Variants in RUVBL1 observed in about 807,000 individuals in gnomAD.
RUVBL1 encodes the protein ruvB-like 1.
In RUVBL1, 4 loss-of-function variants were observed where a neutral mutation model predicts 52.4. The ratio of observed to expected loss-of-function variants is 0.08; its 90% confidence interval spans 0.04 to 0.17. The LOEUF (loss-of-function observed/expected upper bound fraction) is 0.17, where lower values mean the gene tolerates loss of function less well. RUVBL1 is among the 10% of genes least tolerant of loss of function. The pLI, the probability that RUVBL1 is intolerant of heterozygous loss-of-function variation, is 1.00. For synonymous variants in RUVBL1, 217 were observed against 214.4 expected (o/e 1.01, Z -0.10); for missense variants, 298 against 572.8 (o/e 0.52, Z 4.90).
At chr3:128,115,962 C>T (rs567492051) in intron 2 of RUVBL1, among the ~76,000 whole-genome samples, 1 of 151,732 alleles carries the variant, frequency 6.6e-6, no homozygotes, top group Admixed American at 6.6e-5. Context: ...CCCATCTCTA[C>T]GAAAACTACA....
chr3:128,106,686 T>C (rs184342372), intron 3 of RUVBL1, among the ~76,000 whole-genome samples: 2 of 152,354 alleles, frequency 1.3e-5, no homozygotes, highest in Admixed American at 1.3e-4. Flanking sequence ...ATTAGGCACA[T>C]CATCTACTAA....
At chr3:128,071,907 C>T (rs927331791) in intron 9 of RUVBL1, among the ~76,000 whole-genome samples, 10 of 152,168 alleles carry the variant, frequency 6.6e-5, no homozygotes, top group African/African-American at 1.9e-4. Context: ...GGGCTCTGCC[C>T]GTGAGGCAGA....
At chr3:128,069,545 A>G (rs1290891050) in intron 9 of RUVBL1, 2 of 1,613,800 alleles carry the variant, frequency 1.2e-6, no homozygotes, top group African/African-American at 2.7e-5. Context: ...CTGACTTCCT[A>G]GGCGCCATTG....
intron 2 of RUVBL1, among the ~76,000 whole-genome samples, chr3:128,115,077 T>C (rs1431361629): frequency 2.6e-5 from 4 of 152,198 alleles, no homozygotes; most frequent in East Asian, 3.8e-4. Context: ...GTATATGATA[T>C]GGCTACTATT....
intron 1 of RUVBL1, among the ~76,000 whole-genome samples, chr3:128,138,972 A>G (rs1426325738): frequency 6.6e-6 from 1 of 152,186 alleles, no homozygotes; most frequent in African/African-American, 2.4e-5. Context: ...AGCCTCTTCA[A>G]TAAATGGTGG....
intron 8 of RUVBL1, among the ~76,000 whole-genome samples, chr3:128,089,920 A>C (rs915148754): frequency 9.0e-6 from 1 of 111,044 alleles, no homozygotes; most frequent in South Asian, 3.1e-4. Context: ...AAAAAAAAAA[A>C]AAAAAAAAAA....
chr3:128,095,342 G>A (rs1262377400), intron 8 of RUVBL1, among the ~76,000 whole-genome samples: 1 of 152,248 alleles, frequency 6.6e-6, no homozygotes, highest in Non-Finnish European at 1.5e-5. Flanking sequence ...GTCCAAGGCT[G>A]AGCCCTTTCA....
chr3:128,077,567 T>G (rs1942370665), downstream of RUVBL1, among the ~76,000 whole-genome samples: 1 of 152,180 alleles, frequency 6.6e-6, no homozygotes, highest in African/African-American at 2.4e-5. Flanking sequence ...GGTGGTCATT[T>G]CGCCCCCTCT....
chr3:128,072,063 G>A (rs1014807090), intron 9 of RUVBL1, among the ~76,000 whole-genome samples: 2 of 152,242 alleles, frequency 1.3e-5, no homozygotes, highest in Non-Finnish European at 2.9e-5. Context: ...CCCAGCTGGT[G>A]ATTGGAGAAG....
intron 1 of RUVBL1, among the ~76,000 whole-genome samples, chr3:128,140,232 G>GTTTTT (rs60288042): frequency 2.6e-5 from 3 of 117,264 alleles, no homozygotes; most frequent in Non-Finnish European, 3.4e-5. Flanking sequence ...TTGTTTGTTT[G>GTTTTT]TTTTTTTTTT....
upstream of RUVBL1, chr3:128,123,906 G>A: frequency 8.0e-7 from 1 of 1,251,794 alleles, no homozygotes; most frequent in Non-Finnish European, 1.0e-6. Flanking sequence ...CGCCCATCGC[G>A]GCTGCTGCTA....
intron 3 of RUVBL1, among the ~76,000 whole-genome samples, chr3:128,107,016 C>T (rs1212279312): frequency 6.6e-6 from 1 of 152,154 alleles, no homozygotes; most frequent in Admixed American, 6.5e-5. Context: ...ATGTTCTGCA[C>T]ACTTTTCTGT....
intron 8 of RUVBL1, among the ~76,000 whole-genome samples, chr3:128,089,143 GTATTCCCTTATATATAT>G (rs1311487652): frequency 5.9e-5 from 9 of 152,230 alleles, no homozygotes; most frequent in African/African-American, 2.2e-4. Context: ...GCATTTGAAT[GTATTCCCTTATATATAT>G]TATTTTACTT....
downstream of RUVBL1, among the ~76,000 whole-genome samples, chr3:128,079,972 A>T (rs1942425729): frequency 2.6e-5 from 4 of 152,226 alleles, no homozygotes; most frequent in Admixed American, 2.6e-4. Context: ...GCGTCCGGGT[A>T]CTTAGCCCCA....
rs775662884 is a variant in RUVBL1, at chr3:128,064,897, A to G, written c.*315T>C. Reference sequence around the variant, plus strand: ...AACAGGAATGGAATTTGAAGGTGCTATCATCGCACTTTTCCATCTGCTGGC... The same window carrying G: ...AACAGGAATGGAATTTGAAGGTGCTGTCATCGCACTTTTCCATCTGCTGGC... On this transcript the variant is annotated 3_prime_UTR_variant, in exon 10 of 10. Coordinates refer to the RUVBL1 transcript ENST00000464873. 2.6e-5 allele frequency: 42 copies of G among 1,610,220 alleles called. No individual in the cohort carries two copies. The highest frequency in any genetic ancestry group is 3.3e-5 in the Non-Finnish European group (39 of 1,177,802).
chr3:128,102,706 T>C (rs1943133334), intron 4 of RUVBL1, among the ~76,000 whole-genome samples: 1 of 152,218 alleles, frequency 6.6e-6, no homozygotes, highest in Non-Finnish European at 1.5e-5. Flanking sequence ...TGTAAATGAG[T>C]AGGAGGATTC....
chr3:128,132,474 G>C (rs1943894493), intron 1 of RUVBL1, among the ~76,000 whole-genome samples: 1 of 152,182 alleles, frequency 6.6e-6, no homozygotes, highest in South Asian at 2.1e-4. Flanking sequence ...GCAGCTCCCG[G>C]AGAGACTCCT....
Position 128,104,940 on chromosome 3 carries a change from GA to G in RUVBL1, c.362-17del. On this transcript the variant is annotated splice_polypyrimidine_tract_variant and intron_variant, in intron 3 of 10. Transcript: ENST00000322623. ...ATTCGCAGCCCTGGAAGAGGTGGCA[GA>G]GGGGCCATGGTGAGAAGCAGAATCT... 6.3e-7 allele frequency: 1 copy of G among 1,590,406 alleles called. No individual in the cohort carries two copies. Among genetic ancestry groups the G allele is most frequent in the Non-Finnish European group, 8.6e-7 (1 of 1,160,216 alleles).
upstream of RUVBL1, among the ~76,000 whole-genome samples, chr3:128,124,609 A>G (rs1238726760): frequency 1.3e-5 from 2 of 152,190 alleles, no homozygotes; most frequent in Non-Finnish European, 2.9e-5. Context: ...CTTGCCATCC[A>G]TCCATCCATC....
Sources: gnomAD v4.1 joint callset for allele counts (sites outside exome capture counted in the v4.1 genomes callset) on GRCh38, gnomAD v4.1.1 for gene constraint, MANE v1.5 for transcripts, NCBI Gene and HGNC (gene_info 2026-07-23, HGNC 2026-07-21) for gene names.